WHR1: variants seen among roughly 807,000 people sequenced by gnomAD.
WHR1 encodes the protein winged helix repair factor 1.
chr6:31,980,488 G>A, the WHR1 span: 7 of 1,613,156 alleles, frequency 4.3e-6, no homozygotes, highest in Non-Finnish European at 5.1e-6. Flanking sequence ...CGTCCGAGAT[G>A]CTGGGAGCTG....
chr6:31,972,632 G>A, the WHR1 span: 69 of 1,608,566 alleles, frequency 4.3e-5, no homozygotes, highest in Non-Finnish European at 5.5e-5. The surrounding 1 kb of genome is among the most constrained non-coding windows in gnomAD (Gnocchi z 6.3). Context: ...GTCGGCGCGC[G>A]CGGCTGTCTC....
At chr6:31,972,224 C>G in the WHR1 span, 2 of 1,612,736 alleles carry the variant, frequency 1.2e-6, no homozygotes, top group Non-Finnish European at 1.7e-6. The surrounding 1 kb of genome is among the most constrained non-coding windows in gnomAD (Gnocchi z 6.3). Flanking sequence ...CTGGTATGTG[C>G]GTCGCCACCG....
chr6:31,980,535 G>A, the WHR1 span: 1 of 1,612,926 alleles, frequency 6.2e-7, no homozygotes, highest in South Asian at 1.1e-5. Context: ...GATTCATCAA[G>A]TACTTTGTTA....
chr6:31,971,600 C>A, the WHR1 span: 1 of 1,613,626 alleles, frequency 6.2e-7, no homozygotes, highest in East Asian at 2.2e-5. This position sits in a 1 kb window ranked among gnomAD's most constrained non-coding sequence, Gnocchi z 4.5. Flanking sequence ...AGAGAAGGTG[C>A]TGGACGAGGT....
At chr6:31,971,802 T>C in the WHR1 span, 1 of 1,326,258 alleles carries the variant, frequency 7.5e-7, no homozygotes, top group Non-Finnish European at 1.0e-6. This position sits in a 1 kb window ranked among gnomAD's most constrained non-coding sequence, Gnocchi z 4.5. Context: ...TTCAGGCCCC[T>C]CAGACGCCAC....
chr6:31,971,208 G>T, the WHR1 span: 2 of 1,580,256 alleles, frequency 1.3e-6, no homozygotes, highest in Non-Finnish European at 1.7e-6. The surrounding 1 kb of genome is among the most constrained non-coding windows in gnomAD (Gnocchi z 4.5). Flanking sequence ...TGCTCCCCTC[G>T]AAGAATAGTC....
chr6:31,976,157 G>A, the WHR1 span, among the ~76,000 whole-genome samples: 1 of 145,254 alleles, frequency 6.9e-6, no homozygotes, highest in Non-Finnish European at 1.5e-5. Context: ...CCTCCCTCCC[G>A]GACAGGGCGG....
the WHR1 span, among the ~76,000 whole-genome samples, chr6:31,977,672 C>T: frequency 1.3e-5 from 2 of 150,838 alleles, no homozygotes; most frequent in African/African-American, 4.9e-5. Context: ...TTAATGGAGA[C>T]CGGGTTTCAT....
At chr6:31,972,887 G>A in the WHR1 span, 2 of 1,458,980 alleles carry the variant, frequency 1.4e-6, no homozygotes, top group African/African-American at 1.4e-5. This position sits in a 1 kb window ranked among gnomAD's most constrained non-coding sequence, Gnocchi z 6.3. Context: ...CAGGCACTGG[G>A]GTGCCACAGA....
the WHR1 span, chr6:31,972,599 G>C: frequency 6.2e-7 from 1 of 1,600,222 alleles, no homozygotes; most frequent in Non-Finnish European, 8.5e-7. This position sits in a 1 kb window ranked among gnomAD's most constrained non-coding sequence, Gnocchi z 6.3. Context: ...TTCCCTGTCC[G>C]TGAGCCGATT....
the WHR1 span, chr6:31,971,246 C>T: frequency 1.3e-6 from 2 of 1,544,988 alleles, no homozygotes; most frequent in Non-Finnish European, 1.7e-6. The surrounding 1 kb of genome is among the most constrained non-coding windows in gnomAD (Gnocchi z 4.5). Context: ...TGATTCTCAC[C>T]CCGGCTTTGG....
the WHR1 span, chr6:31,978,883 T>C: frequency 6.2e-7 from 1 of 1,611,852 alleles, no homozygotes; most frequent in Non-Finnish European, 8.5e-7. Flanking sequence ...CTCTTTTCAC[T>C]CTCTTCTCTG....
chr6:31,979,373 T>A, the WHR1 span: 1 of 1,608,062 alleles, frequency 6.2e-7, no homozygotes, highest in Non-Finnish European at 8.5e-7. Context: ...TGGTAGAGAG[T>A]GAGGGTGGGG....
chr6:31,979,355 G>T, the WHR1 span: 1 of 1,604,848 alleles, frequency 6.2e-7, no homozygotes, highest in Non-Finnish European at 8.5e-7. Context: ...TGTCCTGGGG[G>T]TGGAGGTTGG....
chr6:31,979,483 G>A, the WHR1 span: 4 of 1,612,958 alleles, frequency 2.5e-6, no homozygotes, highest in South Asian at 3.3e-5. Flanking sequence ...AGTACTTCCA[G>A]CCTGTGGGGA....
At chr6:31,979,122 G>T in the WHR1 span, 5 of 954,526 alleles carry the variant, frequency 5.2e-6, no homozygotes, top group Non-Finnish European at 7.9e-6. Context: ...CATGGAGAGG[G>T]CACAGGGCCC....
the WHR1 span, chr6:31,979,303 GTGGAAGGATC>G: frequency 6.9e-7 from 1 of 1,439,490 alleles, no homozygotes; most frequent in East Asian, 2.3e-5. Flanking sequence ...GGTATGAGAG[GTGGAAGGATC>G]TGAGCAAGAG....
chr6:31,975,733 C>T, the WHR1 span, among the ~76,000 whole-genome samples: 1 of 151,112 alleles, frequency 6.6e-6, no homozygotes. Flanking sequence ...CCCACCTTTT[C>T]CCGCTTTCTA....
chr6:31,979,282 G>GGAA, the WHR1 span: 2 of 1,193,236 alleles, frequency 1.7e-6, no homozygotes. Flanking sequence ...AAGAGGAGGA[G>GGAA]GAAGAAGAAG....
Sources: allele counts gnomAD v4.1 joint callset (sites outside exome capture counted in the v4.1 genomes callset), GRCh38; gene constraint gnomAD v4.1.1; non-coding constraint Gnocchi (gnomAD v3.1); transcripts MANE v1.5; gene names NCBI Gene and HGNC (gene_info 2026-07-23, HGNC 2026-07-21).